Variants in NEDD4 observed in about 807,000 individuals in gnomAD.
The protein encoded by NEDD4 is E3 ubiquitin-protein ligase NEDD4.
In NEDD4, 99 loss-of-function variants were observed where a neutral mutation model predicts 144.9. That is an observed-to-expected ratio of 0.68 (90% confidence interval 0.58 to 0.81). The LOEUF is 0.81. Among genes scored for constraint, NEDD4 ranks in the 30% least tolerant of loss-of-function variants. The pLI, the probability that NEDD4 is intolerant of heterozygous loss-of-function variation, is 0.00. For missense variants in NEDD4, 985 were observed against 1,065.9 expected (o/e 0.92, Z 1.06); for synonymous variants, 318 against 350.6 (o/e 0.91, Z 1.04).
intron 4 of NEDD4, among the ~76,000 whole-genome samples, chr15:55,942,544 T>C (rs1382381092): frequency 1.3e-5 from 2 of 152,136 alleles, no homozygotes; most frequent in East Asian, 3.9e-4. Context: ...TCTCTGGCCA[T>C]GTTAGATGAG....
At chr15:55,867,719 C>T (rs1318292358) in intron 8 of NEDD4, among the ~76,000 whole-genome samples, 1 of 152,138 alleles carries the variant, frequency 6.6e-6, no homozygotes, top group Admixed American at 6.6e-5. Context: ...GTTCTTTGAT[C>T]ACCAAACCAG....
chr15:55,873,543 A>G (rs1311230789), intron 6 of NEDD4, among the ~76,000 whole-genome samples: 4 of 152,016 alleles, frequency 2.6e-5, no homozygotes, highest in South Asian at 2.1e-4. Flanking sequence ...ATAATGTTCT[A>G]TTTTGCAATG....
intron 2 of NEDD4, among the ~76,000 whole-genome samples, chr15:55,965,074 C>T (rs1303412669): frequency 3.3e-5 from 5 of 152,198 alleles, no homozygotes; most frequent in Non-Finnish European, 7.4e-5. Context: ...ACTTTCCACT[C>T]ACCAAATCAA....
chr15:55,979,808 A>G (rs1384420535), intron 1 of NEDD4, among the ~76,000 whole-genome samples: 2 of 152,204 alleles, frequency 1.3e-5, no homozygotes, highest in African/African-American at 4.8e-5. Flanking sequence ...TGTAGCATTT[A>G]TCACATACTA....
intron 18 of NEDD4, among the ~76,000 whole-genome samples, chr15:55,843,871 G>A (rs558018229): frequency 1.6e-3 from 245 of 151,300 alleles, no homozygotes; most frequent in Non-Finnish European, 3.0e-3. Context: ...TAGGGCCAAC[G>A]ATGGGGAATA....
chr15:55,945,206 A>G (rs543327393), intron 4 of NEDD4, among the ~76,000 whole-genome samples: 1 of 152,324 alleles, frequency 6.6e-6, no homozygotes, highest in Admixed American at 6.5e-5. Context: ...CGGTAAAAAC[A>G]AACTTCTCCA....
rs118055931 is a variant in NEDD4 at position 55,938,883 on chromosome 15, A to G, written c.237+12493T>C. ...CACTTTGGGAGGGCAAGGCAGGAGG[A>G]TCACTTGAATCCAGGAGTCTGAGAC... On this transcript the variant is annotated intron_variant, in intron 4 of 28. Coordinates refer to ENST00000435532, the MANE Select transcript of NEDD4 (RefSeq NM_006154.4). Among the ~76,000 whole-genome samples, 169 of 152,254 alleles carry G rather than the reference A, an allele frequency of 1.1e-3. 1 individual carries two copies. The East Asian group carries it at 0.029, about 26-fold the overall frequency.
At chr15:55,845,237 C>T (rs1046418623) in intron 18 of NEDD4, among the ~76,000 whole-genome samples, 13 of 152,050 alleles carry the variant, frequency 8.5e-5, no homozygotes, top group African/African-American at 3.1e-4. Context: ...AATTTCCATA[C>T]AAATTAATTA....
At chr15:55,935,901 G>A (rs1304743798) in intron 4 of NEDD4, among the ~76,000 whole-genome samples, 1 of 149,774 alleles carries the variant, frequency 6.7e-6, no homozygotes, top group East Asian at 2.0e-4. Flanking sequence ...TTCAGCCTCT[G>A]GACATCATCA....
At chr15:55,960,633 G>T (rs1301861142) in intron 2 of NEDD4, among the ~76,000 whole-genome samples, 1 of 152,082 alleles carries the variant, frequency 6.6e-6, no homozygotes, top group South Asian at 2.1e-4. Context: ...GTGATCATGT[G>T]AGTCAATTCT....
chr15:55,926,651 A>G (rs1266357347), intron 4 of NEDD4, among the ~76,000 whole-genome samples: 2 of 152,168 alleles, frequency 1.3e-5, no homozygotes, highest in Admixed American at 6.5e-5. Context: ...CTATAGTCCC[A>G]GCTACTCAGG....
At chr15:55,959,935 T>G (rs1410284413) in intron 2 of NEDD4, among the ~76,000 whole-genome samples, 1 of 152,254 alleles carries the variant, frequency 6.6e-6, no homozygotes, top group Non-Finnish European at 1.5e-5. Flanking sequence ...GCATCCATAA[T>G]GAATGTTAAG....
rs1054860818 is a variant in NEDD4 at position 55,980,405 on chromosome 15, A to G, written c.45+13106T>C. Among the ~76,000 whole-genome samples the G allele has an allele frequency of 2.0e-5, 3 of 151,636 alleles. No individual in the cohort carries two copies. The South Asian group carries it at 6.3e-4, about 32-fold the overall frequency. ...GGCTGCTGTACCCACTAAACAGAAG[A>G]TTGAGCGAACTGGGTGATCCAAGGG... On this transcript the variant is annotated intron_variant, in intron 1 of 28. Coordinates refer to ENST00000435532, the MANE Select transcript of NEDD4 (RefSeq NM_006154.4).
At chr15:55,926,254 C>T (rs1351866353) in intron 4 of NEDD4, among the ~76,000 whole-genome samples, 6 of 152,124 alleles carry the variant, frequency 3.9e-5, no homozygotes, top group African/African-American at 4.8e-5. Context: ...CTTGTACCTA[C>T]GGGCAACCAA....
chr15:55,913,564 G>A (rs2036341498), intron 5 of NEDD4, among the ~76,000 whole-genome samples: 1 of 151,882 alleles, frequency 6.6e-6, no homozygotes, highest in African/African-American at 2.4e-5. Context: ...CCAGCAAACT[G>A]CACACTTCTG....
intron 4 of NEDD4, among the ~76,000 whole-genome samples, chr15:55,931,467 C>G (rs1437915825): frequency 6.7e-6 from 1 of 149,770 alleles, no homozygotes. Context: ...ACTATGCTCA[C>G]AAAAAATAGA....
chr15:55,946,093 C>T (rs1402611348), intron 4 of NEDD4, among the ~76,000 whole-genome samples: 2 of 152,198 alleles, frequency 1.3e-5, no homozygotes, highest in African/African-American at 4.8e-5. Context: ...GAAACTCCAT[C>T]AATTAACGAG....
At chr15:55,883,712 C>T in intron 5 of NEDD4, among the ~76,000 whole-genome samples, 1 of 149,474 alleles carries the variant, frequency 6.7e-6, no homozygotes, top group Admixed American at 6.6e-5. Flanking sequence ...CACACACACA[C>T]ACACACACAC....
intron 1 of NEDD4, among the ~76,000 whole-genome samples, chr15:55,967,518 C>T (rs2037535904): frequency 6.7e-6 from 1 of 148,926 alleles, no homozygotes; most frequent in Non-Finnish European, 1.5e-5. Flanking sequence ...GAAACGTTAC[C>T]AATTTGTGGA....
Sources: allele counts gnomAD v4.1 joint callset (sites outside exome capture counted in the v4.1 genomes callset), GRCh38; gene constraint gnomAD v4.1.1; transcripts MANE v1.5; gene names NCBI Gene and HGNC (gene_info 2026-07-23, HGNC 2026-07-21).